Variants in KCNJ3 observed in about 807,000 individuals in gnomAD.
The protein encoded by KCNJ3 is potassium inwardly rectifying channel subfamily J member 3, also known as G protein-activated inward rectifier potassium channel 1.
A neutral mutation model predicts 39.2 loss-of-function variants in KCNJ3; 4 were observed. The ratio of observed to expected loss-of-function variants is 0.10; its 90% confidence interval spans 0.05 to 0.23. The LOEUF (loss-of-function observed/expected upper bound fraction) is 0.23, where lower values mean the gene tolerates loss of function less well. Among genes scored for constraint, KCNJ3 ranks in the 10% least tolerant of loss-of-function variants. KCNJ3 has a pLI of 1.00. For missense variants in KCNJ3, 276 were observed against 634.9 expected (o/e 0.43, Z 6.08); for synonymous variants, 230 against 237.4 (o/e 0.97, Z 0.29).
At chr2:154,742,308 T>C (rs1265325134) in intron 2 of KCNJ3, among the ~76,000 whole-genome samples, 1 of 151,894 alleles carries the variant, frequency 6.6e-6, no homozygotes, top group Non-Finnish European at 1.5e-5. Context: ...TTCCATGTTT[T>C]AGCTAATGTG....
intron 2 of KCNJ3, among the ~76,000 whole-genome samples, chr2:154,849,833 AC>A (rs1687723470): frequency 6.6e-6 from 1 of 152,146 alleles, no homozygotes; most frequent in African/African-American, 2.4e-5. Context: ...AAAAGGATGG[AC>A]TTAGTTCAGT....
chr2:154,831,854 T>C (rs1173712255), intron 2 of KCNJ3, among the ~76,000 whole-genome samples: 1 of 152,166 alleles, frequency 6.6e-6, no homozygotes, highest in Non-Finnish European at 1.5e-5. Context: ...CAAAGCTAGG[T>C]ACATTATAAA....
At chr2:154,714,838 A>G (rs973277913) in intron 2 of KCNJ3, among the ~76,000 whole-genome samples, 2 of 152,198 alleles carry the variant, frequency 1.3e-5, no homozygotes, top group African/African-American at 2.4e-5. Context: ...CCTGCCTTGT[A>G]TGGATACTTA....
intron 2 of KCNJ3, among the ~76,000 whole-genome samples, chr2:154,760,735 C>CTTCT (rs1686024585): frequency 7.8e-6 from 1 of 127,752 alleles, no homozygotes. Flanking sequence ...TCTTTTTTTT[C>CTTCT]TTTTTTTTTT....
At position 154,857,027 on chromosome 2, in the gene KCNJ3, A is replaced by AAATC. The variant is rs2105144854; in HGVS notation, c.*1716_*1719dup. 6.6e-6 allele frequency: 1 copy of AAATC among 152,174 alleles called. No homozygotes were observed. The highest frequency in any genetic ancestry group is 1.9e-4 in the East Asian group (1 of 5,194). 9.4% of individuals were successfully genotyped at this position (152,174 alleles called of 1,614,324 possible). A position where few individuals can be genotyped will look rare whatever the true frequency, so the allele number is the denominator to read the frequency against. On this transcript the variant is annotated 3_prime_UTR_variant, in exon 3 of 3. Coordinates refer to ENST00000295101, the MANE Select transcript of KCNJ3 (RefSeq NM_002239.4). ...TTGGCAAATTAATACATCAACACTTAAATCATTGACTATAATAATACCTTC... is the reference window on the plus strand; with the variant it reads ...TTGGCAAATTAATACATCAACACTTAAATCAATCATTGACTATAATAATACCTTC...
chr2:154,743,318 T>G (rs747665395), intron 2 of KCNJ3, among the ~76,000 whole-genome samples: 1 of 151,786 alleles, frequency 6.6e-6, no homozygotes, highest in Non-Finnish European at 1.5e-5. Context: ...ATCAATTGTT[T>G]TGGCTATTTG....
intron 2 of KCNJ3, among the ~76,000 whole-genome samples, chr2:154,789,587 C>G (rs1238448719): frequency 6.6e-6 from 1 of 151,998 alleles, no homozygotes; most frequent in Admixed American, 6.6e-5. Context: ...ACAGAAGCTT[C>G]TGGGCAAGGT....
In KCNJ3 at chr2:154,856,377, AT is replaced by A. The variant is rs1385481440; in HGVS notation, c.*1068del. On this transcript the variant is annotated 3_prime_UTR_variant, in exon 3 of 3. Coordinates refer to ENST00000295101, the MANE Select transcript of KCNJ3 (RefSeq NM_002239.4). ...AAACATTTTCTTTCTTTTTCTGGAA[AT>A]TTTGTCCATTTTAAAAACCAATCAT... 6.6e-6 allele frequency: 1 copy of A among 152,580 alleles called. No homozygotes were observed. Among genetic ancestry groups the A allele is most frequent in the Non-Finnish European group, 1.5e-5 (1 of 67,994 alleles). 9.5% of individuals were successfully genotyped at this position (152,580 alleles called of 1,614,324 possible).
intron 2 of KCNJ3, among the ~76,000 whole-genome samples, chr2:154,846,181 G>A (rs774426146): frequency 2.6e-5 from 4 of 151,878 alleles, no homozygotes; most frequent in Non-Finnish European, 5.9e-5. Flanking sequence ...CCTTGTGTTT[G>A]TTTTACTCAC....
intron 2 of KCNJ3, among the ~76,000 whole-genome samples, chr2:154,803,737 C>T (rs1418386935): frequency 6.6e-6 from 1 of 151,926 alleles, no homozygotes; most frequent in African/African-American, 2.4e-5. Context: ...ATCTCACTGA[C>T]AATCTGCATA....
chr2:154,713,487 T>TG lies in KCNJ3; in HGVS notation c.919+3674dup, dbSNP rs1157199963. On this transcript the variant is annotated intron_variant, in intron 2 of 2. Coordinates refer to ENST00000295101, the MANE Select transcript of KCNJ3 (RefSeq NM_002239.4). ...ATTGCTGTGGCCTCAGCAGGAGTGG[T>TG]GGGGGGAGGGAAGTGAGAAATTAGC... 3.9e-5 allele frequency among the ~76,000 whole-genome samples: 6 copies of TG among 152,144 alleles called. No homozygotes were observed. The East Asian group carries it at 9.7e-4, about 25-fold the overall frequency.
At chr2:154,742,875 C>A (rs1685675562) in intron 2 of KCNJ3, among the ~76,000 whole-genome samples, 1 of 151,766 alleles carries the variant, frequency 6.6e-6, no homozygotes. Flanking sequence ...ATTAAGTTTT[C>A]ATTAAGTCCA....
intron 2 of KCNJ3, among the ~76,000 whole-genome samples, chr2:154,828,040 T>C (rs1010200358): frequency 1.3e-5 from 2 of 152,198 alleles, no homozygotes; most frequent in African/African-American, 4.8e-5. Context: ...ATTATCTTCA[T>C]ATGAATTCTT....
Position 154,855,075 on chromosome 2 carries a change from C to G in KCNJ3, c.1268C>G (p.Thr423Ser). The change falls in exon 3 of 3, where the codon ACT becomes AGT. Residue 423 changes from threonine to serine, a missense_variant. This residue lies in a region of KCNJ3 where 126 missense variants were observed against 179.8 expected (regional missense o/e 0.70). Coordinates refer to ENST00000295101, the MANE Select transcript of KCNJ3 (RefSeq NM_002239.4). Reference protein sequence around the residue: ...PKKLLRMSSTTSEKAYSLGDL... With the variant: ...PKKLLRMSSTSSEKAYSLGDL... The stretch of plus-strand genomic sequence containing the variant: ...AAACTCTTGAGGATGAGTTCTACAA[C>G]TTCAGAAAAAGCCTACAGCTTGGGA... 6.2e-7 allele frequency: 1 copy of G among 1,614,054 alleles called. No individual in the cohort carries two copies. Among genetic ancestry groups the G allele is most frequent in the Non-Finnish European group, 8.5e-7 (1 of 1,179,960 alleles).
At chr2:154,717,967 C>T (rs115099721) in intron 2 of KCNJ3, among the ~76,000 whole-genome samples, 2,604 of 152,278 alleles carry the variant, frequency 0.017, 68 homozygotes, top group African/African-American at 0.059. Flanking sequence ...GGTCATTAGC[C>T]TGTGAGCTCC....
At chr2:154,712,817 G>A (rs531502096) in intron 2 of KCNJ3, among the ~76,000 whole-genome samples, 6 of 152,162 alleles carry the variant, frequency 3.9e-5, no homozygotes, top group South Asian at 2.1e-4. Context: ...CCAAGGTGAC[G>A]GGATAGGGAT....
intron 2 of KCNJ3, among the ~76,000 whole-genome samples, chr2:154,787,996 C>T (rs1318064176): frequency 6.6e-6 from 1 of 152,064 alleles, no homozygotes; most frequent in African/African-American, 2.4e-5. Flanking sequence ...TAGAAAGACA[C>T]ATAGACATCT....
chr2:154,715,016 T>C (rs1685158787), intron 2 of KCNJ3, among the ~76,000 whole-genome samples: 1 of 152,184 alleles, frequency 6.6e-6, no homozygotes. Context: ...ACTCAGTATT[T>C]TGAGCAAAGC....
At chr2:154,808,350 G>A (rs996608704) in intron 2 of KCNJ3, among the ~76,000 whole-genome samples, 4 of 151,862 alleles carry the variant, frequency 2.6e-5, no homozygotes, top group Non-Finnish European at 5.9e-5. Context: ...CAAAGTGCTG[G>A]GATTACAGGG....
Sources: gnomAD v4.1 joint callset for allele counts (sites outside exome capture counted in the v4.1 genomes callset) on GRCh38, gnomAD v4.1.1 for gene constraint, gnomAD v4.1.1 regional missense constraint, MANE v1.5 for transcripts, NCBI Gene and HGNC (gene_info 2026-07-23, HGNC 2026-07-21) for gene names.